Variants in RORC observed in about 807,000 individuals in gnomAD.
RORC encodes nuclear receptor ROR-gamma.
RORC carries 13 observed loss-of-function variants against 64.5 expected under a neutral mutation model. That is an observed-to-expected ratio of 0.20 (90% confidence interval 0.13 to 0.32). The LOEUF (loss-of-function observed/expected upper bound fraction) is 0.32. RORC is among the 10% of genes least tolerant of loss of function. The pLI, the probability that RORC is intolerant of heterozygous loss-of-function variation, is 1.00. For synonymous variants in RORC, 277 were observed against 259.3 expected (o/e 1.07, Z -0.65); for missense variants, 468 against 669.5 (o/e 0.70, Z 3.32).
At chr1:151,826,342 C>A (rs1387665664) in intron 2 of RORC, among the ~76,000 whole-genome samples, 2 of 152,188 alleles carry the variant, frequency 1.3e-5, no homozygotes, top group Admixed American at 6.5e-5. Context: ...CAGAATGGAG[C>A]TCACACGAGC....
rs1652184040 is a variant in RORC, at chr1:151,826,039, C to T, written c.70+3390G>A. 1.9e-6 allele frequency: 3 copies of T among 1,592,878 alleles called. No individual in the cohort carries two copies. In the South Asian group the frequency reaches 3.3e-5, roughly 18 times the overall value. On this transcript the variant is annotated intron_variant, in intron 2 of 10. Transcript: ENST00000318247. ...CGGCAGAGGCGGGGCGAGGCCCTCTCAGCAGCGCCTCAGCCTGAAGCTCTG... is the reference window on the plus strand; with the variant it reads ...CGGCAGAGGCGGGGCGAGGCCCTCTTAGCAGCGCCTCAGCCTGAAGCTCTG...
intron 6 of RORC, chr1:151,814,233 G>A (rs1036558515): frequency 1.3e-5 from 3 of 239,076 alleles, no homozygotes; most frequent in African/African-American, 4.5e-5. Context: ...GGCAGAGAAG[G>A]GGTGTTTAAC....
At chr1:151,831,181 C>G in intron 1 of RORC, 1 of 1,203,124 alleles carries the variant, frequency 8.3e-7, no homozygotes, top group Non-Finnish European at 1.1e-6. Flanking sequence ...AGGAAAGGAC[C>G]AGGCTACGTG....
In RORC at chr1:151,815,169, T is replaced by C. The variant is rs1306164138; in HGVS notation, c.555A>G (p.Ser185=). ...GLLKASGSGP[S]YSNNLAKAGL... ...CTGCCTTGGCCAAGTTGTTGGAATA[T>C]GAGGGCCCAGAGCCTGAGGCTTTCA... Residue 185 remains serine (S), a synonymous_variant, in exon 5 of 11, where the codon TCA becomes TCG. Transcript: ENST00000318247. 1.9e-6 allele frequency: 3 copies of C among 1,613,868 alleles called. No homozygotes were observed. The highest frequency in any genetic ancestry group is 2.5e-6 in the Non-Finnish European group (3 of 1,179,948).
intron 9 of RORC, chr1:151,811,749 CAA>C (rs1382661424): frequency 1.1e-5 from 2 of 182,092 alleles, no homozygotes; most frequent in African/African-American, 4.7e-5. Flanking sequence ...ATAGGGGTAA[CAA>C]GAGTTGGAAA....
rs2101649357 is a variant in RORC, at chr1:151,807,702, A to G, written c.1396-69T>C. 3 of 1,530,922 alleles carry G rather than the reference A, an allele frequency of 2.0e-6. No homozygotes were observed. The highest frequency in any genetic ancestry group is 2.4e-5 in the South Asian group (2 of 84,104). 94.8% of individuals were successfully genotyped at this position (1,530,922 alleles called of 1,614,324 possible). A position where few individuals can be genotyped will look rare whatever the true frequency, so the allele number is the denominator to read the frequency against. The stretch of plus-strand genomic sequence containing the variant: ...CTCCTCAGAGCAAAGAAGTCCGCTC[A>G]TTCTTCCTGGGCTAGGACAAACCCT... On this transcript the variant is annotated intron_variant, in intron 10 of 10. Coordinates refer to ENST00000318247, the MANE Select transcript of RORC (RefSeq NM_005060.4). The surrounding 1 kb of genome is among the most constrained non-coding windows in gnomAD (Gnocchi z 5.0).
intron 2 of RORC, among the ~76,000 whole-genome samples, chr1:151,820,808 T>G (rs928004206): frequency 6.6e-6 from 1 of 152,216 alleles, no homozygotes; most frequent in East Asian, 1.9e-4. Flanking sequence ...CAGCTCTTAG[T>G]TGGTGCCTAA....
In RORC at chr1:151,813,020, G is replaced by C; in HGVS notation, c.1212C>G (p.Ser404=). The C allele has an allele frequency of 1.2e-6, 2 of 1,614,046 alleles. No individual in the cohort carries two copies. Among genetic ancestry groups the C allele is most frequent in the Non-Finnish European group, 1.7e-6 (2 of 1,179,940 alleles). The change falls in exon 9 of 11, where the codon TCC becomes TCG. Residue 404 remains serine, a synonymous_variant. Transcript: ENST00000318247. Reference sequence around the variant, plus strand: ...AAAAGTGCAAGGCACTTAGGGAGTGGGAGAAGTCAAAGATGGAGCTGATGA... The same window carrying C: ...AAAAGTGCAAGGCACTTAGGGAGTGCGAGAAGTCAAAGATGGAGCTGATGA... ...SELISSIFDF[S]HSLSALHFSE... is the part of the protein sequence containing the mutation.
rs1325650778 is a variant in RORC, at chr1:151,806,912, C to A, written c.*560G>T. On this transcript the variant is annotated 3_prime_UTR_variant, in exon 11 of 11. Transcript: ENST00000318247. ...AGACCCCAGGTAAAGGGTAGGGTGC[C>A]CAAATACTTCCTTGCTGAGCTGGGA... 2 of 152,440 alleles carry A rather than the reference C, an allele frequency of 1.3e-5. No individual in the cohort carries two copies. The highest frequency in any genetic ancestry group is 3.9e-4 in the East Asian group (2 of 5,182). 9.4% of individuals were successfully genotyped at this position (152,440 alleles called of 1,614,324 possible).
chr1:151,813,174 G>T, intron 8 of RORC, 65 bp downstream of exon 8: 2 of 1,524,278 alleles, frequency 1.3e-6, no homozygotes, highest in African/African-American at 1.4e-5. Flanking sequence ...AGGGTGCCCT[G>T]GGTCACAAAG....
chr1:151,815,556 T>G, intron 4 of RORC, 131 bp from the exon 5 acceptor site: 20 of 1,224,462 alleles, frequency 1.6e-5, no homozygotes, highest in Non-Finnish European at 2.0e-5. Flanking sequence ...ACAGCTTCTC[T>G]AGCCTTTAGG....
intron 10 of RORC, among the ~76,000 whole-genome samples, chr1:151,808,607 CTTCA>C (rs1188908507): frequency 6.6e-6 from 1 of 152,170 alleles, no homozygotes; most frequent in African/African-American, 2.4e-5. Flanking sequence ...CAATAGCTTC[CTTCA>C]TTCATTCAAC....
At position 151,815,187 on chromosome 1, in the gene RORC, G is replaced by A. The variant is rs1651709716; in HGVS notation, c.537C>T (p.Ala179=). ...ASACPPGLLK[A]SGSGPSYSNN... is the part of the protein sequence containing the mutation. ...TGGAATATGAGGGCCCAGAGCCTGA[G>A]GCTTTCAGGAGGCCAGGGGGACAGG... The change falls in exon 5 of 11, where the codon GCC becomes GCT. Residue 179 remains alanine (A), a synonymous_variant. Transcript: ENST00000318247. 3 of 1,614,038 alleles carry A rather than the reference G, an allele frequency of 1.9e-6. No individual in the cohort carries two copies. In the East Asian group the frequency reaches 6.7e-5, roughly 36 times the overall value.
In RORC at chr1:151,814,554, T is replaced by G. The variant is rs1651671965; in HGVS notation, c.933+20A>C. 3.7e-6 allele frequency: 6 copies of G among 1,603,984 alleles called. No homozygotes were observed. The East Asian group carries it at 1.3e-4, about 36-fold the overall frequency. On this transcript the variant is annotated intron_variant, in intron 6 of 10. Transcript: ENST00000318247. Reference sequence around the variant, plus strand: ...GTGGGGGTGGGATACGTTCCCTTCCTGCAGGTCTCCTGGCCTCACCTTCCT... The same window carrying G: ...GTGGGGGTGGGATACGTTCCCTTCCGGCAGGTCTCCTGGCCTCACCTTCCT...
At chr1:151,825,917 C>A (rs202110536) in intron 2 of RORC, 20 of 1,613,830 alleles carry the variant, frequency 1.2e-5, no homozygotes, top group Non-Finnish European at 1.6e-5. Flanking sequence ...CCCAGGTGGC[C>A]CCATTCACTT....
chr1:151,822,732 C>T (rs1451478810), intron 2 of RORC, among the ~76,000 whole-genome samples: 4 of 152,250 alleles, frequency 2.6e-5, no homozygotes, highest in Admixed American at 6.5e-5. Flanking sequence ...CCCAGAAAGA[C>T]CTTGGCTCTG....
In RORC at chr1:151,817,786, CCAGA is replaced by C. The variant is rs558056333; in HGVS notation, c.71-510_71-507del. On this transcript the variant is annotated intron_variant, in intron 2 of 10. Coordinates refer to ENST00000318247, the MANE Select transcript of RORC (RefSeq NM_005060.4). ...AGGCAGAGATGCCAGTCCTTCCCAG[CCAGA>C]CAGTGAAGGCTCAGGGAGGTGCTAT... is the stretch of plus-strand genomic sequence containing the variant. 4.8e-3 allele frequency among the ~76,000 whole-genome samples: 724 copies of C among 152,298 alleles called. 20 individuals carry two copies. Among genetic ancestry groups the C allele is most frequent in the Non-Finnish European group, 1.6e-3 (107 of 68,016 alleles).
At position 151,815,107 on chromosome 1, in the gene RORC, G is replaced by T. The variant is rs776568967; in HGVS notation, c.617C>A (p.Pro206His). Residue 206 changes from proline to histidine, a missense_variant, in exon 5 of 11, where the codon CCT becomes CAT. By Grantham distance (77) the Pro-to-His change is moderately conservative (BLOSUM62 -2). Around this residue, in one of 5 missense-constraint regions of RORC, gnomAD observed 241 missense variants for 295.5 expected, o/e 0.82. Transcript: ENST00000318247. The part of the protein sequence containing the change: ...NGASCHLEYS[P>H]ERGKAEGRES... ...TCTGCCCTCAGCCTTGCCCCGCTCA[G>T]GGCTGTATTCAAGGTGGCATGAGGC... 1 of 1,614,218 alleles carries T rather than the reference G, an allele frequency of 6.2e-7. No homozygotes were observed. The highest frequency in any genetic ancestry group is 1.1e-5 in the South Asian group (1 of 91,082).
intron 10 of RORC, among the ~76,000 whole-genome samples, chr1:151,809,343 G>C (rs1410941257): frequency 1.3e-5 from 2 of 151,538 alleles, no homozygotes; most frequent in African/African-American, 4.9e-5. Flanking sequence ...GCAGTGAGCC[G>C]AGATCACACC....
Sources: allele counts gnomAD v4.1 joint callset (sites outside exome capture counted in the v4.1 genomes callset), GRCh38; gene constraint gnomAD v4.1.1; regional missense constraint gnomAD v4.1.1; non-coding constraint Gnocchi (gnomAD v3.1); transcripts MANE v1.5; gene names NCBI Gene and HGNC (gene_info 2026-07-23, HGNC 2026-07-21).